The following SDCCAG8 variants were observed in gnomAD, a reference collection of about 807,000 sequenced individuals.
The protein encoded by SDCCAG8 is SHH signaling and ciliogenesis regulator SDCCAG8.
A neutral mutation model predicts 101.8 loss-of-function variants in SDCCAG8; 74 were observed. That is an observed-to-expected ratio of 0.73 (90% confidence interval 0.60 to 0.88). SDCCAG8 has a LOEUF of 0.88. Among genes scored for constraint, SDCCAG8 ranks in the 40% least tolerant of loss-of-function variants. The pLI is 0.00. For missense variants in SDCCAG8, 787 were observed against 822.6 expected (o/e 0.96, Z 0.53); for synonymous variants, 281 against 292.9 (o/e 0.96, Z 0.41).
In SDCCAG8 at chr1:243,373,365, AAC is replaced by A. The variant is rs546954963; in HGVS notation, c.1474-5353_1474-5352del. On this transcript the variant is annotated intron_variant, in intron 12 of 17. Coordinates refer to ENST00000366541, the MANE Select transcript of SDCCAG8 (RefSeq NM_006642.5). Reference sequence around the variant, plus strand: ...GAATTCTAAGGTGATGTATAGTTGTAACACTCCTTATTCCTTTCAAGTAATAA... The same window carrying A: ...GAATTCTAAGGTGATGTATAGTTGTAACTCCTTATTCCTTTCAAGTAATAA... 1.2e-4 allele frequency among the ~76,000 whole-genome samples: 19 copies of A among 152,262 alleles called. No individual in the cohort carries two copies. In the South Asian group the frequency reaches 3.9e-3, roughly 32 times the overall value.
chr1:243,387,191 T>G (rs1007490427), intron 13 of SDCCAG8, among the ~76,000 whole-genome samples: 1 of 152,226 alleles, frequency 6.6e-6, no homozygotes, highest in Non-Finnish European at 1.5e-5. Context: ...TTCTTACCGT[T>G]TATGTGATTC....
chr1:243,466,806 C>T (rs376042290), intron 16 of SDCCAG8, among the ~76,000 whole-genome samples: 2 of 152,212 alleles, frequency 1.3e-5, no homozygotes, highest in Non-Finnish European at 2.9e-5. Flanking sequence ...TCATTCTGCC[C>T]GTACTGTTAC....
chr1:243,357,795 A>G (rs1558348504), intron 12 of SDCCAG8, among the ~76,000 whole-genome samples: 1 of 152,186 alleles, frequency 6.6e-6, no homozygotes, highest in Non-Finnish European at 1.5e-5. Context: ...GATTTTACAC[A>G]TTTACAGTCA....
chr1:243,388,907 TG>T (rs1558398493), intron 13 of SDCCAG8, among the ~76,000 whole-genome samples: 2 of 146,910 alleles, frequency 1.4e-5, no homozygotes, highest in African/African-American at 5.1e-5. Flanking sequence ...TACGTGGTGG[TG>T]CGTGCCTGAG....
intron 16 of SDCCAG8, among the ~76,000 whole-genome samples, chr1:243,485,054 A>AGAAG (rs1553378505): frequency 6.7e-6 from 1 of 149,484 alleles, no homozygotes; most frequent in African/African-American, 2.5e-5. Context: ...AAAAAAAAAA[A>AGAAG]AAGAAGAAGA....
chr1:243,332,690 C>A (rs1282577510), intron 10 of SDCCAG8, among the ~76,000 whole-genome samples: 1 of 151,640 alleles, frequency 6.6e-6, no homozygotes, highest in Non-Finnish European at 1.5e-5. Context: ...CAGTCCAGGT[C>A]TGGAGGTGAT....
chr1:243,433,148 AG>A (rs1231286418), intron 16 of SDCCAG8, among the ~76,000 whole-genome samples: 1 of 152,150 alleles, frequency 6.6e-6, no homozygotes. Flanking sequence ...GGTGCTGGAA[AG>A]GTAACCTGAT....
intron 6 of SDCCAG8, among the ~76,000 whole-genome samples, chr1:243,302,010 G>C (rs1172590833): frequency 1.3e-5 from 2 of 152,152 alleles, no homozygotes; most frequent in Non-Finnish European, 2.9e-5. Flanking sequence ...CACTTTGGGA[G>C]GCTGAGGTGG....
intron 12 of SDCCAG8, among the ~76,000 whole-genome samples, chr1:243,355,418 A>C (rs1227649511): frequency 6.6e-6 from 1 of 152,032 alleles, no homozygotes; most frequent in Non-Finnish European, 1.5e-5. Context: ...TCAAGCTGTC[A>C]TTGAAAATTC....
chr1:243,426,248 A>C (rs779188704), intron 15 of SDCCAG8, among the ~76,000 whole-genome samples, 179 bp from the exon 16 acceptor site: 1 of 152,212 alleles, frequency 6.6e-6, no homozygotes, highest in Non-Finnish European at 1.5e-5. Context: ...TGTCTAACAC[A>C]TGAGTCTCTA....
At position 243,308,197 on chromosome 1, in the gene SDCCAG8, C is replaced by T; in HGVS notation, c.929+20C>T. 2 of 1,613,552 alleles carry T rather than the reference C, an allele frequency of 1.2e-6. No homozygotes were observed. Among genetic ancestry groups the T allele is most frequent in the Non-Finnish European group, 1.7e-6 (2 of 1,179,600 alleles). On this transcript the variant is annotated intron_variant, in intron 8 of 17. Transcript: ENST00000366541. ...GGTTAAGTAAGTATGCTTCTACGCG[C>T]ACGGAGACTTTGGCAATATGGAAAA...
At position 243,390,872 on chromosome 1, in the gene SDCCAG8, C is replaced by G. The variant is rs532184426; in HGVS notation, c.1616+12009C>G. Among the ~76,000 whole-genome samples, 10 of 152,300 alleles carry G rather than the reference C, an allele frequency of 6.6e-5. No individual in the cohort carries two copies. In the South Asian group the frequency reaches 1.5e-3, roughly 22 times the overall value. The stretch of plus-strand genomic sequence containing the variant: ...TGTCTCTAAAAGAAAGTTCTGCTCT[C>G]CAATATTATTTTTAAAGTAAAAGGA... On this transcript the variant is annotated intron_variant, in intron 13 of 17. Coordinates refer to ENST00000366541, the MANE Select transcript of SDCCAG8 (RefSeq NM_006642.5).
At chr1:243,280,686 C>T (rs2149276748) in intron 4 of SDCCAG8, among the ~76,000 whole-genome samples, 1 of 152,214 alleles carries the variant, frequency 6.6e-6, no homozygotes, top group South Asian at 2.1e-4. Flanking sequence ...TCATGTGTGT[C>T]ATTTAGAAGA....
chr1:243,294,357 A>G (rs2070577714), intron 6 of SDCCAG8, among the ~76,000 whole-genome samples: 1 of 152,042 alleles, frequency 6.6e-6, no homozygotes, highest in Non-Finnish European at 1.5e-5. Context: ...AGACTATTCC[A>G]TATCGTGTGA....
In SDCCAG8 at chr1:243,304,719, C is replaced by T; in HGVS notation, c.682C>T (p.Leu228=). The T allele has an allele frequency of 6.4e-7, 1 of 1,565,062 alleles. No individual in the cohort carries two copies. The highest frequency in any genetic ancestry group is 8.8e-7 in the Non-Finnish European group (1 of 1,135,810). Residue 228 remains leucine (L), a synonymous_variant, in exon 7 of 18, where the codon CTA becomes TTA. Transcript: ENST00000366541. ...CTATTTTTCTTTTCTATAGGAGAAG[C>T]TAAAACTTACTTATGAGGAAAAGTG... ...SAGEQLELEK[L]KLTYEEKCEI...
chr1:243,340,823 A>G (rs1573423420), intron 10 of SDCCAG8, among the ~76,000 whole-genome samples: 2 of 152,156 alleles, frequency 1.3e-5, no homozygotes, highest in East Asian at 3.9e-4. Flanking sequence ...TTTCAAAATG[A>G]GGTTAGAGAT....
At chr1:243,309,608 G>GATCCTC (rs2072512315) in intron 8 of SDCCAG8, among the ~76,000 whole-genome samples, 1 of 152,222 alleles carries the variant, frequency 6.6e-6, no homozygotes, top group Admixed American at 6.5e-5. Flanking sequence ...GTGCTCAAGC[G>GATCCTC]ATCCTCCTGC....
Position 243,474,617 on chromosome 1 carries a change from G to A in SDCCAG8, c.1986-14397G>A, listed in dbSNP as rs1396317227. Among the ~76,000 whole-genome samples the A allele has an allele frequency of 1.3e-5, 2 of 152,250 alleles. No individual in the cohort carries two copies. The highest frequency in any genetic ancestry group is 2.9e-5 in the Non-Finnish European group (2 of 68,048). Reference sequence around the variant, plus strand: ...TCTCCTGCCTGGAGCGCTCCGCGGTGGCCCGAGAGCAGGTGCTGGCGTGCG... The same window carrying A: ...TCTCCTGCCTGGAGCGCTCCGCGGTAGCCCGAGAGCAGGTGCTGGCGTGCG... On this transcript the variant is annotated intron_variant, in intron 16 of 17. Coordinates refer to ENST00000366541, the MANE Select transcript of SDCCAG8 (RefSeq NM_006642.5). The surrounding 1 kb of genome is among the most constrained non-coding windows in gnomAD (Gnocchi z 4.7).
intron 16 of SDCCAG8, among the ~76,000 whole-genome samples, chr1:243,482,384 G>A (rs897967037): frequency 6.6e-6 from 1 of 152,190 alleles, no homozygotes; most frequent in Non-Finnish European, 1.5e-5. Flanking sequence ...ATCAGCATCT[G>A]CCTTTAGAAA....
Sources: allele counts gnomAD v4.1 joint callset (sites outside exome capture counted in the v4.1 genomes callset), GRCh38; gene constraint gnomAD v4.1.1; non-coding constraint Gnocchi (gnomAD v3.1); transcripts MANE v1.5; gene names NCBI Gene and HGNC (gene_info 2026-07-23, HGNC 2026-07-21).